Variants in TRIO observed in about 807,000 individuals in gnomAD.
TRIO encodes triple functional domain protein.
A neutral mutation model predicts 351.9 loss-of-function variants in TRIO; 58 were observed. That is an observed-to-expected ratio of 0.16 (90% confidence interval 0.13 to 0.21). The LOEUF is 0.21. Ranked by LOEUF, TRIO falls within the 10% of genes least tolerant of loss-of-function variation. The probability of loss-of-function intolerance (pLI) is 1.00; values close to 1 mark genes in which losing one functional copy is unlikely to be tolerated. For synonymous variants in TRIO, 1,758 were observed against 1,595.7 expected (o/e 1.10, Z -2.42); for missense variants, 3,201 against 4,027.8 (o/e 0.79, Z 5.56).
intron 1 of TRIO, among the ~76,000 whole-genome samples, chr5:14,165,078 G>A (rs27482): frequency 0.31 from 46,860 of 152,020 alleles, 7,694 homozygotes; most frequent in East Asian, 0.48. Context: ...CCCCTTACCC[G>A]TGTTGCCCCT....
intron 1 of TRIO, among the ~76,000 whole-genome samples, chr5:14,175,015 A>G (rs1307813070): frequency 6.6e-6 from 1 of 151,282 alleles, no homozygotes; most frequent in African/African-American, 2.4e-5. Context: ...TGTGGTAAAG[A>G]TGCACATATT....
In TRIO at chr5:14,391,427, C is replaced by T. The variant is rs192339911; in HGVS notation, c.4218+437C>T. On this transcript the variant is annotated intron_variant, in intron 27 of 56. Transcript: ENST00000344204. ...TTCCTATTTTAATTTCATGATGTTACGAATTTTCAAAAACAACCTACCAGT... is the reference window on the plus strand; with the variant it reads ...TTCCTATTTTAATTTCATGATGTTATGAATTTTCAAAAACAACCTACCAGT... 6.6e-5 allele frequency among the ~76,000 whole-genome samples: 10 copies of T among 152,194 alleles called. No homozygotes were observed. In the East Asian group the frequency reaches 1.2e-3, roughly 18 times the overall value.
intron 1 of TRIO, among the ~76,000 whole-genome samples, chr5:14,165,357 A>G (rs1788703773): frequency 6.6e-6 from 1 of 152,228 alleles, no homozygotes; most frequent in Admixed American, 6.5e-5. Context: ...AAGCGAGAAC[A>G]TGCAGTATTT....
chr5:14,233,323 A>AAG (rs972375865), intron 1 of TRIO, among the ~76,000 whole-genome samples: 1 of 149,408 alleles, frequency 6.7e-6, no homozygotes, highest in African/African-American at 2.5e-5. Flanking sequence ...TCTTAAAAAA[A>AAG]AAAAAAAAAA....
chr5:14,421,496 C>T (rs1186871298), intron 34 of TRIO, among the ~76,000 whole-genome samples: 23 of 150,272 alleles, frequency 1.5e-4, no homozygotes, highest in Admixed American at 1.5e-3. Context: ...CCCAGCTACT[C>T]GAGAGGCTGA....
At chr5:14,258,837 G>A (rs1795174309) in intron 1 of TRIO, among the ~76,000 whole-genome samples, 1 of 152,210 alleles carries the variant, frequency 6.6e-6, no homozygotes, top group African/African-American at 2.4e-5. Flanking sequence ...GCTTCTGTGG[G>A]AACTTTTTGT....
At chr5:14,275,240 G>T (rs1003946361) in intron 2 of TRIO, among the ~76,000 whole-genome samples, 3 of 152,174 alleles carry the variant, frequency 2.0e-5, no homozygotes, top group Non-Finnish European at 4.4e-5. Flanking sequence ...TATTAGCACA[G>T]TATATGACTA....
At chr5:14,437,694 CG>C (rs142809826) in intron 34 of TRIO, among the ~76,000 whole-genome samples, 25,109 of 135,402 alleles carry the variant, frequency 0.19, 2,520 homozygotes, top group African/African-American at 0.24. Flanking sequence ...CCACCCCCCC[CG>C]CCCCAAGGAC....
At chr5:14,267,951 ATATAGT>A (rs1795779899) in intron 1 of TRIO, among the ~76,000 whole-genome samples, 1 of 152,268 alleles carries the variant, frequency 6.6e-6, no homozygotes, top group Non-Finnish European at 1.5e-5. Flanking sequence ...ATCTACAAAA[ATATAGT>A]TAAACTGGTT....
intron 1 of TRIO, among the ~76,000 whole-genome samples, chr5:14,211,951 CAA>C: frequency 1.4e-5 from 1 of 69,080 alleles, no homozygotes; most frequent in Admixed American, 1.4e-4. Context: ...CCCATCTCTC[CAA>C]AAAAAAAAAC....
intron 33 of TRIO, 100 bp from the exon 34 acceptor site, chr5:14,419,678 G>A: frequency 1.3e-6 from 2 of 1,523,348 alleles, no homozygotes; most frequent in South Asian, 2.5e-5. Context: ...TCACTCCGGG[G>A]CAGGGTGGCA....
intron 49 of TRIO, among the ~76,000 whole-genome samples, chr5:14,496,434 G>A (rs1006042195): frequency 3.9e-5 from 6 of 152,202 alleles, no homozygotes; most frequent in Admixed American, 2.0e-4. Context: ...GCTAGAGAAC[G>A]CCCTCTTGCT....
At chr5:14,403,385 G>GTGA (rs1240800349) in intron 31 of TRIO, among the ~76,000 whole-genome samples, 3 of 98,646 alleles carry the variant, frequency 3.0e-5, no homozygotes, top group East Asian at 2.5e-4. Flanking sequence ...GGTGTAGGTT[G>GTGA]TGAGGGTGTA....
chr5:14,172,372 AAC>A, intron 1 of TRIO, among the ~76,000 whole-genome samples: 1 of 152,320 alleles, frequency 6.6e-6, no homozygotes, highest in Middle Eastern at 3.4e-3. Context: ...AAAATAACTA[AAC>A]AGTGTCACAG....
intron 1 of TRIO, 22 bp from the exon 2 acceptor site, chr5:14,270,803 A>G: frequency 6.2e-7 from 1 of 1,607,020 alleles, no homozygotes. Flanking sequence ...CAGTAATTTT[A>G]TTTTCTCCTT....
chr5:14,497,102 C>T lies in TRIO; in HGVS notation c.8019+85C>T. 1 of 1,543,520 alleles carries T rather than the reference C, an allele frequency of 6.5e-7. No individual in the cohort carries two copies. The highest frequency in any genetic ancestry group is 1.2e-5 in the South Asian group (1 of 80,398). ...GGGCAGAGACTCTGCAGACCTGAAG[C>T]TGGGCTTGCTTATGACCTCCCTCCC... is the stretch of plus-strand genomic sequence containing the variant. On this transcript the variant is annotated intron_variant, in intron 50 of 56. Coordinates refer to ENST00000344204, the MANE Select transcript of TRIO (RefSeq NM_007118.4). The surrounding 1 kb of genome is among the most constrained non-coding windows in gnomAD (Gnocchi z 4.4).
At chr5:14,248,902 C>T (rs1426667130) in intron 1 of TRIO, among the ~76,000 whole-genome samples, 1 of 152,200 alleles carries the variant, frequency 6.6e-6, no homozygotes, top group Admixed American at 6.5e-5. Flanking sequence ...GGGTTTGATT[C>T]CAAGCCTGGC....
chr5:14,275,951 C>CAT (rs1191851944), intron 2 of TRIO, among the ~76,000 whole-genome samples: 304 of 142,728 alleles, frequency 2.1e-3, no homozygotes, highest in African/African-American at 7.4e-3. Context: ...TATATATATA[C>CAT]ATATATATAC....
At chr5:14,207,262 T>TACACACAAACAC (rs1791515380) in intron 1 of TRIO, among the ~76,000 whole-genome samples, 1 of 46,068 alleles carries the variant, frequency 2.2e-5, no homozygotes, top group Non-Finnish European at 4.1e-5. Flanking sequence ...AGATGGTCTC[T>TACACACAAACAC]ACACACACAC....
Sources: gnomAD v4.1 joint callset for allele counts (sites outside exome capture counted in the v4.1 genomes callset) on GRCh38, gnomAD v4.1.1 for gene constraint, Gnocchi (gnomAD v3.1) non-coding constraint, MANE v1.5 for transcripts, NCBI Gene and HGNC (gene_info 2026-07-23, HGNC 2026-07-21) for gene names.